FDX1: variants seen among roughly 807,000 people sequenced by gnomAD.
FDX1 encodes the protein ferredoxin 1.
Under a neutral mutation model 14.9 loss-of-function variants are expected in FDX1, and 9 were observed. That is an observed-to-expected ratio of 0.60 (90% CI 0.36 to 1.05). FDX1 has a LOEUF of 1.05. Ranked by LOEUF, FDX1 falls within the 50% of genes least tolerant of loss-of-function variation. The probability of loss-of-function intolerance (pLI) is 0.01; values close to 1 mark genes in which losing one functional copy is unlikely to be tolerated. For missense variants in FDX1, 204 were observed against 237.2 expected (o/e 0.86, Z 0.92); for synonymous variants, 92 against 99.4 (o/e 0.93, Z 0.44).
intron 2 of FDX1, among the ~76,000 whole-genome samples, chr11:110,449,781 C>G (rs936001753): frequency 6.6e-6 from 1 of 152,122 alleles, no homozygotes; most frequent in African/African-American, 2.4e-5. Flanking sequence ...GTGAGCACCA[C>G]CACACCCAGC....
At chr11:110,461,154 G>C (rs1157762919) in intron 3 of FDX1, among the ~76,000 whole-genome samples, 1 of 152,110 alleles carries the variant, frequency 6.6e-6, no homozygotes, top group African/African-American at 2.4e-5. Flanking sequence ...TATTGAAAGA[G>C]TTATTTAGAC....
At chr11:110,458,074 T>A (rs1946533852) in intron 3 of FDX1, among the ~76,000 whole-genome samples, 2 of 152,212 alleles carry the variant, frequency 1.3e-5, no homozygotes, top group South Asian at 4.1e-4. Flanking sequence ...ACACAGAAAC[T>A]AAATCCAATG....
At chr11:110,436,595 C>A (rs796833912) in intron 2 of FDX1, among the ~76,000 whole-genome samples, 1 of 147,606 alleles carries the variant, frequency 6.8e-6, no homozygotes, top group Non-Finnish European at 1.5e-5. Flanking sequence ...CCCCCACCCC[C>A]GCCCCAGACT....
At chr11:110,437,444 A>G (rs1343689555) in intron 2 of FDX1, among the ~76,000 whole-genome samples, 4 of 152,052 alleles carry the variant, frequency 2.6e-5, no homozygotes, top group African/African-American at 7.3e-5. Context: ...AGTCTCATGG[A>G]AATTAAGTTT....
In FDX1 at chr11:110,460,651, G is replaced by C. The variant is rs149902864; in HGVS notation, c.441-1703G>C. 5.0e-3 allele frequency among the ~76,000 whole-genome samples: 761 copies of C among 152,254 alleles called. 9 individuals carry two copies. Among genetic ancestry groups the C allele is most frequent in the African/African-American group, 0.017 (724 of 41,552 alleles). On this transcript the variant is annotated intron_variant, in intron 3 of 3. Transcript: ENST00000260270. ...TCTCACATGTTAACTATCTGAATGTGTCTCATCTCATCCCTTTGATTGAAA... is the reference window on the plus strand; with the variant it reads ...TCTCACATGTTAACTATCTGAATGTCTCTCATCTCATCCCTTTGATTGAAA...
chr11:110,442,073 G>T (rs903119025), intron 2 of FDX1, among the ~76,000 whole-genome samples: 1 of 152,238 alleles, frequency 6.6e-6, no homozygotes, highest in Non-Finnish European at 1.5e-5. Context: ...GAGCCTGCTA[G>T]TGTACAGAAG....
At position 110,462,601 on chromosome 11, in the gene FDX1, C is replaced by T. The variant is rs1178292529; in HGVS notation, c.*133C>T. ...AGCTTTACTATTTTAATTCACCTTG[C>T]ATAACTACTGAATTTTGTCATTCTT... On this transcript the variant is annotated 3_prime_UTR_variant, in exon 4 of 4. Coordinates refer to ENST00000260270, the MANE Select transcript of FDX1 (RefSeq NM_004109.5). 1.4e-5 allele frequency: 6 copies of T among 428,020 alleles called. No homozygotes were observed. In the East Asian group the frequency reaches 2.0e-4, roughly 14 times the overall value. 26.5% of individuals were successfully genotyped at this position (428,020 alleles called of 1,614,324 possible).
chr11:110,450,350 C>T (rs1946478505), intron 2 of FDX1, among the ~76,000 whole-genome samples: 1 of 151,872 alleles, frequency 6.6e-6, no homozygotes, highest in Non-Finnish European at 1.5e-5. Context: ...AAGGAGGGTG[C>T]ACCCTAGATC....
chr11:110,460,371 A>G (rs1020167358), intron 3 of FDX1, among the ~76,000 whole-genome samples: 14 of 152,174 alleles, frequency 9.2e-5, no homozygotes, highest in African/African-American at 3.4e-4. Context: ...CTGGCCCATC[A>G]TTCCCCTTGT....
chr11:110,457,093 T>C, intron 3 of FDX1, 46 bp downstream of exon 3: 4 of 1,565,576 alleles, frequency 2.6e-6, no homozygotes, highest in Non-Finnish European at 3.5e-6. Flanking sequence ...TCTGGGAACA[T>C]AGATGTTGTA....
At chr11:110,456,891 A>G (rs375487417) in intron 2 of FDX1, 27 bp from the exon 3 acceptor site, 2 of 1,599,486 alleles carry the variant, frequency 1.3e-6, no homozygotes, top group African/African-American at 1.3e-5. Flanking sequence ...AGAAGGGACT[A>G]TGTTCAGTGT....
intron 2 of FDX1, among the ~76,000 whole-genome samples, chr11:110,445,499 T>C (rs1946444712): frequency 6.6e-6 from 1 of 152,202 alleles, no homozygotes. Context: ...AAAGAACATA[T>C]AAAAACATAT....
chr11:110,444,737 T>C (rs11213405), intron 2 of FDX1, among the ~76,000 whole-genome samples: 2 of 66,590 alleles, frequency 3.0e-5, no homozygotes, highest in South Asian at 8.6e-4. Context: ...TATATATATA[T>C]ATATATACAC....
intron 2 of FDX1, among the ~76,000 whole-genome samples, chr11:110,443,771 G>A (rs139233494): frequency 7.2e-5 from 11 of 152,072 alleles, no homozygotes; most frequent in African/African-American, 2.4e-4. Flanking sequence ...TCTGATTGGT[G>A]TGAGATGGTA....
intron 2 of FDX1, among the ~76,000 whole-genome samples, chr11:110,443,471 G>A (rs1461020112): frequency 7.1e-5 from 6 of 84,000 alleles, no homozygotes; most frequent in African/African-American, 2.3e-4. Flanking sequence ...ACGTAGTTTT[G>A]CTCTTTTTGC....
At chr11:110,440,852 C>T (rs913327013) in intron 2 of FDX1, among the ~76,000 whole-genome samples, 3 of 152,058 alleles carry the variant, frequency 2.0e-5, no homozygotes, top group African/African-American at 4.8e-5. Context: ...TTTTTAAGCT[C>T]ACAAAAAAAT....
chr11:110,457,083 T>C, intron 3 of FDX1, 36 bp downstream of exon 3: 1 of 1,584,088 alleles, frequency 6.3e-7, no homozygotes, highest in Non-Finnish European at 8.6e-7. Flanking sequence ...GTAATAATAA[T>C]CTGGGAACAT....
At chr11:110,456,493 C>T (rs923483165) in intron 2 of FDX1, among the ~76,000 whole-genome samples, 1 of 142,228 alleles carries the variant, frequency 7.0e-6, no homozygotes, top group African/African-American at 2.6e-5. Context: ...TCATTTTCAC[C>T]TTTCATTTAT....
rs758644321 is a variant in FDX1 at position 110,463,475 on chromosome 11, A to C, written c.*1007A>C. ...TCGTACTCTTATCTTTACTATAAAT[A>C]AATTCATAAAAGTTAACAAAGGGGT... On this transcript the variant is annotated 3_prime_UTR_variant, in exon 4 of 4. Transcript: ENST00000260270. 1.3e-4 allele frequency: 20 copies of C among 152,276 alleles called. No individual in the cohort carries two copies. Among genetic ancestry groups the C allele is most frequent in the Non-Finnish European group, 2.8e-4 (19 of 68,050 alleles). The allele number at this position is 152,276 out of a possible 1,614,324, so 9.4% of individuals were successfully genotyped here.
Sources: gnomAD v4.1 joint callset for allele counts (sites outside exome capture counted in the v4.1 genomes callset) on GRCh38, gnomAD v4.1.1 for gene constraint, MANE v1.5 for transcripts, NCBI Gene and HGNC (gene_info 2026-07-23, HGNC 2026-07-21) for gene names.